SEMA3E: variants seen among roughly 807,000 people sequenced by gnomAD.
The protein encoded by SEMA3E is semaphorin 3E, also known as semaphorin-3E.
SEMA3E carries 49 observed loss-of-function variants against 93.6 expected under a neutral mutation model. The ratio of observed to expected loss-of-function variants is 0.52; its 90% CI spans 0.42 to 0.66. The LOEUF is 0.66. SEMA3E is among the 30% of genes least tolerant of loss of function. The pLI, the probability that SEMA3E is intolerant of heterozygous loss-of-function variation, is 0.00. For missense variants in SEMA3E, 906 were observed against 964.8 expected, an observed-to-expected ratio of 0.94 and a Z score of 0.81; for synonymous variants, 363 against 330.7, an observed-to-expected ratio of 1.10 and a Z score of -1.06.
chr7:83,582,654 T>A (rs1236063668), intron 1 of SEMA3E, among the ~76,000 whole-genome samples: 1 of 152,124 alleles, frequency 6.6e-6, no homozygotes, highest in African/African-American at 2.4e-5. Flanking sequence ...TAATTTAATA[T>A]CTATTTGGAT....
chr7:83,524,162 A>G (rs1299913750), intron 1 of SEMA3E, among the ~76,000 whole-genome samples: 3 of 152,100 alleles, frequency 2.0e-5, no homozygotes, highest in Admixed American at 1.3e-4. Context: ...TGCCTCATAG[A>G]CCTTGTAAGA....
chr7:83,600,016 T>G (rs1429409784), intron 1 of SEMA3E, among the ~76,000 whole-genome samples: 2 of 152,184 alleles, frequency 1.3e-5, no homozygotes, highest in Non-Finnish European at 2.9e-5. Context: ...TTCCCATCAA[T>G]CATACTACAT....
chr7:83,445,679 T>C (rs985523677), intron 4 of SEMA3E, among the ~76,000 whole-genome samples: 2 of 152,002 alleles, frequency 1.3e-5, no homozygotes, highest in African/African-American at 4.8e-5. Flanking sequence ...GATTGCGCCA[T>C]TGCATTCCAG....
chr7:83,447,130 G>C (rs919433655), intron 4 of SEMA3E, among the ~76,000 whole-genome samples: 1 of 152,104 alleles, frequency 6.6e-6, no homozygotes, highest in Non-Finnish European at 1.5e-5. Flanking sequence ...TTTGTTCCAG[G>C]ATTTTATTCT....
At chr7:83,388,663 A>C (rs1012304347) in intron 14 of SEMA3E, among the ~76,000 whole-genome samples, 12 of 152,182 alleles carry the variant, frequency 7.9e-5, no homozygotes, top group African/African-American at 2.6e-4. Flanking sequence ...CAATGATGAA[A>C]TTTGGAAAAG....
chr7:83,593,258 CTG>C (rs1397880559), intron 1 of SEMA3E, among the ~76,000 whole-genome samples: 7 of 116,126 alleles, frequency 6.0e-5, no homozygotes, highest in South Asian at 2.8e-4. Context: ...CTCTCTCTCT[CTG>C]TCTCTCTCTC....
intron 1 of SEMA3E, among the ~76,000 whole-genome samples, chr7:83,548,511 T>C (rs1408884741): frequency 6.6e-6 from 1 of 152,066 alleles, no homozygotes; most frequent in East Asian, 1.9e-4. Context: ...ATTATTGAGA[T>C]TTTTTTCCCT....
chr7:83,572,496 A>C (rs575213843), intron 1 of SEMA3E, among the ~76,000 whole-genome samples: 2 of 152,036 alleles, frequency 1.3e-5, no homozygotes, highest in Non-Finnish European at 2.9e-5. Flanking sequence ...AAAATTAGCC[A>C]GGCATGGTGG....
chr7:83,523,054 C>T (rs35377307), intron 1 of SEMA3E, among the ~76,000 whole-genome samples: 5 of 151,864 alleles, frequency 3.3e-5, no homozygotes, highest in African/African-American at 1.2e-4. Context: ...AGCATAAGAA[C>T]GGGGTGAATC....
intron 14 of SEMA3E, among the ~76,000 whole-genome samples, chr7:83,387,978 A>T (rs1787916918): frequency 6.8e-6 from 1 of 146,502 alleles, no homozygotes; most frequent in South Asian, 2.1e-4. Context: ...TAATTCAAGA[A>T]TATATATATT....
intron 4 of SEMA3E, among the ~76,000 whole-genome samples, chr7:83,458,059 C>T (rs1260671625): frequency 1.3e-5 from 2 of 151,048 alleles, no homozygotes; most frequent in Non-Finnish European, 2.9e-5. Context: ...ATAATTTTTT[C>T]AAAATATATT....
At chr7:83,489,378 A>G (rs547582009) in intron 2 of SEMA3E, among the ~76,000 whole-genome samples, 1 of 150,058 alleles carries the variant, frequency 6.7e-6, no homozygotes, top group Non-Finnish European at 1.5e-5. Flanking sequence ...GCAGAAACCA[A>G]GGAATGATGC....
chr7:83,536,405 T>C (rs1157171433), intron 1 of SEMA3E, among the ~76,000 whole-genome samples: 1 of 152,106 alleles, frequency 6.6e-6, no homozygotes, highest in Non-Finnish European at 1.5e-5. Flanking sequence ...CAATTACCTA[T>C]ACATTTTAGG....
intron 1 of SEMA3E, among the ~76,000 whole-genome samples, chr7:83,627,616 T>C (rs865953741): frequency 8.8e-5 from 13 of 147,426 alleles, no homozygotes; most frequent in Admixed American, 3.4e-4. Flanking sequence ...GAGATGAAGA[T>C]CGCAACCCCT....
chr7:83,632,012 G>A (rs572708221), intron 1 of SEMA3E, among the ~76,000 whole-genome samples: 30 of 152,040 alleles, frequency 2.0e-4, no homozygotes, highest in East Asian at 9.8e-4. Flanking sequence ...AAAATTAGCC[G>A]GGCATGGTGG....
At chr7:83,639,500 C>G (rs1793955473) in intron 1 of SEMA3E, among the ~76,000 whole-genome samples, 1 of 151,582 alleles carries the variant, frequency 6.6e-6, no homozygotes, top group African/African-American at 2.4e-5. Flanking sequence ...TAATTATAGC[C>G]TTTAGGAATG....
chr7:83,616,344 A>T (rs558120489), intron 1 of SEMA3E, among the ~76,000 whole-genome samples: 1 of 152,274 alleles, frequency 6.6e-6, no homozygotes, highest in South Asian at 2.1e-4. Context: ...TGCATTTCCT[A>T]CTTTTGTATA....
At chr7:83,616,723 C>CT in intron 1 of SEMA3E, 1 of 447,626 alleles carries the variant, frequency 2.2e-6, no homozygotes, top group African/African-American at 2.2e-5. Context: ...CTTCTTCTTT[C>CT]TTTCTTTTTT....
chr7:83,438,677 A>G (rs1489711504), intron 4 of SEMA3E, among the ~76,000 whole-genome samples: 3 of 152,056 alleles, frequency 2.0e-5, no homozygotes, highest in Non-Finnish European at 4.4e-5. Flanking sequence ...GGGTTACACC[A>G]TAACGGTCTC....
Sources: allele counts gnomAD v4.1 joint callset (sites outside exome capture counted in the v4.1 genomes callset), GRCh38; gene constraint gnomAD v4.1.1; transcripts MANE v1.5; gene names NCBI Gene and HGNC (gene_info 2026-07-23, HGNC 2026-07-21).